The following ALDH3A2 variants were observed in gnomAD, a reference collection of about 807,000 sequenced individuals.
ALDH3A2 encodes aldehyde dehydrogenase family 3 member A2.
Under a neutral mutation model 51.3 loss-of-function variants are expected in ALDH3A2, and 36 were observed. That is an observed-to-expected ratio of 0.70 (90% CI 0.54 to 0.93). ALDH3A2 has a LOEUF of 0.93. Among genes scored for constraint, ALDH3A2 ranks in the 40% least tolerant of loss-of-function variants. The pLI, the probability that ALDH3A2 is intolerant of heterozygous loss-of-function variation, is 0.00. For synonymous variants in ALDH3A2, 199 were observed against 219.8 expected (o/e 0.91, Z 0.84); for missense variants, 552 against 603.1 (o/e 0.92, Z 0.89).
At position 19,665,147 on chromosome 17, in the gene ALDH3A2, C is replaced by G. The variant is rs1597566463; in HGVS notation, c.1207+100C>G. On this transcript the variant is annotated intron_variant, in intron 8 of 9. Transcript: ENST00000176643. ...GCTGAAATAGCCAGCTGTTGCGTACCCTGATTGTCCTCTCCTGAGGGAGAC... is the reference window on the plus strand; with the variant it reads ...GCTGAAATAGCCAGCTGTTGCGTACGCTGATTGTCCTCTCCTGAGGGAGAC... The G allele has an allele frequency of 1.6e-5, 17 of 1,055,382 alleles. No individual in the cohort carries two copies. The East Asian group carries it at 4.2e-4, about 26-fold the overall frequency. The allele number at this position is 1,055,382 out of a possible 1,614,324, so 65.4% of individuals were successfully genotyped here.
chr17:19,649,071 G>A lies in ALDH3A2; in HGVS notation c.100G>A (p.Val34Met), dbSNP rs770534475. 5.0e-5 allele frequency: 80 copies of A among 1,584,288 alleles called. No homozygotes were observed. Among genetic ancestry groups the A allele is most frequent in the Non-Finnish European group, 6.1e-5 (71 of 1,165,792 alleles). The change falls in exon 1 of 10, where the codon GTG (valine) becomes ATG (methionine). Residue 34 changes from valine to methionine, a missense_variant. Val to Met is a conservative substitution (Grantham distance 21). Coordinates refer to ENST00000176643, the MANE Select transcript of ALDH3A2 (RefSeq NM_000382.3). ...GCAGCTGGAGGCCCTGCGGAGGATG[G>A]TGCAGGAGCGCGAGAAGGATATCCT... ...LQQLEALRRMVQEREKDILTA... is the reference protein window; with the variant it reads ...LQQLEALRRMMQEREKDILTA...
chr17:19,665,149 T>G (rs1306494647), intron 8 of ALDH3A2, 102 bp downstream of exon 8: 1 of 1,053,260 alleles, frequency 9.5e-7, no homozygotes, highest in Admixed American at 1.9e-5. Flanking sequence ...TTGCGTACCC[T>G]GATTGTCCTC....
Position 19,649,141 on chromosome 17 carries a change from C to T in ALDH3A2, c.153+17C>T, listed in dbSNP as rs764055836. 2.5e-5 allele frequency: 39 copies of T among 1,551,790 alleles called. No individual in the cohort carries two copies. The South Asian group carries it at 4.5e-4, about 18-fold the overall frequency. On this transcript the variant is annotated intron_variant, in intron 1 of 9. Coordinates refer to ENST00000176643, the MANE Select transcript of ALDH3A2 (RefSeq NM_000382.3). ...CTGTGCAAGGTACGCACGCGTGCGG[C>T]GGGGTGTGGGGAAACTGGCCCCCGC...
At position 19,675,864 on chromosome 17, in the gene ALDH3A2, G is replaced by T. The variant is rs540671507; in HGVS notation, c.*292G>T. 202 of 442,758 alleles carry T rather than the reference G, an allele frequency of 4.6e-4. 2 individuals are homozygous for T. The highest frequency in any genetic ancestry group is 3.5e-3 in the South Asian group (157 of 45,448). 27.4% of individuals were successfully genotyped at this position (442,758 alleles called of 1,614,324 possible). Reference sequence around the variant, plus strand: ...TATTAGACTAAATACAAACTGCGGGGTTGTAAGGGAGTCTCAGAACCTCAC... The same window carrying T: ...TATTAGACTAAATACAAACTGCGGGTTTGTAAGGGAGTCTCAGAACCTCAC... On this transcript the variant is annotated 3_prime_UTR_variant, in exon 10 of 10. Transcript: ENST00000176643.
intron 2 of ALDH3A2, 103 bp downstream of exon 2, chr17:19,651,881 A>C (rs2084821125): frequency 9.0e-7 from 1 of 1,115,154 alleles, no homozygotes; most frequent in Middle Eastern, 2.4e-4. Context: ...TTACTTGGTG[A>C]TTTGCCTTTG....
chr17:19,656,444 A>G lies in ALDH3A2; in HGVS notation c.550A>G (p.Thr184Ala), dbSNP rs2152328249. The G allele has an allele frequency of 6.2e-7, 1 of 1,614,190 alleles. No homozygotes were observed. The highest frequency in any genetic ancestry group is 8.5e-7 in the Non-Finnish European group (1 of 1,180,038). Reference sequence around the variant, plus strand: ...GCAGCGATTTGACCACATTTTCTATACGGGAAACACTGCGGTTGGCAAAAT... The same window carrying G: ...GCAGCGATTTGACCACATTTTCTATGCGGGAAACACTGCGGTTGGCAAAAT... The part of the protein sequence containing the change: ...LKQRFDHIFY[T>A]GNTAVGKIVM... Residue 184 changes from threonine to alanine, a missense_variant, in exon 4 of 10, where the codon ACG becomes GCG. Transcript: ENST00000176643.
chr17:19,675,238 C>A, intron 9 of ALDH3A2: 1 of 301,540 alleles, frequency 3.3e-6, no homozygotes, highest in Non-Finnish European at 6.1e-6. Context: ...ACTGAAAATG[C>A]TAGGATAATA....
In ALDH3A2 at chr17:19,654,227, A is replaced by G. The variant is rs2084861584; in HGVS notation, c.471+1595A>G. Reference sequence around the variant, plus strand: ...TAAAAGTTCTCTAAGTCCCCACCCGACTCAGGAGCCCAGCTGGCTTTGCCT... The same window carrying G: ...TAAAAGTTCTCTAAGTCCCCACCCGGCTCAGGAGCCCAGCTGGCTTTGCCT... On this transcript the variant is annotated intron_variant, in intron 3 of 9. Transcript: ENST00000176643. The surrounding 1 kb of genome is among the most constrained non-coding windows in gnomAD (Gnocchi z 4.5). Among the ~76,000 whole-genome samples, 1 of 152,250 alleles carries G rather than the reference A, an allele frequency of 6.6e-6. No individual in the cohort carries two copies. Among genetic ancestry groups the G allele is most frequent in the East Asian group, 1.9e-4 (1 of 5,196 alleles).
In ALDH3A2 at chr17:19,648,921, C is replaced by T. The variant is rs757372139; in HGVS notation, c.-51C>T. 45 of 1,542,080 alleles carry T rather than the reference C, an allele frequency of 2.9e-5. No homozygotes were observed. In the East Asian group the frequency reaches 4.3e-4, roughly 15 times the overall value. ...AGGCCTGCACCTGCATGCTTCCCGC[C>T]TCCCACTCCCCAGCGCCCCCGGACC... On this transcript the variant is annotated 5_prime_UTR_variant, in exon 1 of 10. Coordinates refer to ENST00000176643, the MANE Select transcript of ALDH3A2 (RefSeq NM_000382.3).
intron 8 of ALDH3A2, among the ~76,000 whole-genome samples, chr17:19,669,133 C>CA: frequency 6.6e-6 from 1 of 150,912 alleles, no homozygotes; most frequent in South Asian, 2.1e-4. Flanking sequence ...CTCATCTCCA[C>CA]AAAAAATACA....
At chr17:19,653,482 C>T (rs935418483) in intron 3 of ALDH3A2, among the ~76,000 whole-genome samples, 2 of 152,138 alleles carry the variant, frequency 1.3e-5, no homozygotes, top group African/African-American at 2.4e-5. Flanking sequence ...GGAGTTTCTT[C>T]CTTCTGGTGG....
rs1346801480 is a variant in ALDH3A2, at chr17:19,654,090, T to C, written c.471+1458T>C. 6.6e-6 allele frequency among the ~76,000 whole-genome samples: 1 copy of C among 152,142 alleles called. No individual in the cohort carries two copies. The highest frequency in any genetic ancestry group is 2.4e-5 in the African/African-American group (1 of 41,426). The stretch of plus-strand genomic sequence containing the variant: ...CAATCCTCTAGCTAGACATAAAAGT[T>C]CTCCAAATCCCCACCAGATTAGCTA... On this transcript the variant is annotated intron_variant, in intron 3 of 9. Transcript: ENST00000176643. This position sits in a 1 kb window ranked among gnomAD's most constrained non-coding sequence, Gnocchi z 4.5.
chr17:19,661,958 G>T lies in ALDH3A2; in HGVS notation c.940+690G>T, dbSNP rs2084972331. The T allele has an allele frequency of 2.0e-5, 3 of 151,742 alleles. 1 individual carries two copies. The South Asian group carries it at 6.3e-4, about 32-fold the overall frequency. The allele number at this position is 151,742 out of a possible 1,614,324, so 9.4% of individuals were successfully genotyped here. ...TAATTAGCAGTCCCGAGGTTCTCCT[G>T]AGCTAGATAATTCAGTGGCCCCGTG... On this transcript the variant is annotated intron_variant, in intron 6 of 9. Transcript: ENST00000176643.
rs1278902703 is a variant in ALDH3A2 at position 19,661,148 on chromosome 17, A to G, written c.820A>G (p.Lys274Glu). The G allele has an allele frequency of 6.2e-7, 1 of 1,611,818 alleles. No individual in the cohort carries two copies. Among genetic ancestry groups the G allele is most frequent in the Non-Finnish European group, 8.5e-7 (1 of 1,177,896 alleles). ...ATAGGAATTTTATGGAGAAAATATA[A>G]AAGAGTCTCCTGATTATGAAAGGAT... ...TVKEFYGENI[K>E]ESPDYERIIN... Residue 274 changes from lysine to glutamate, a missense_variant, in exon 6 of 10, where the codon AAA becomes GAA. Lys to Glu is a moderately conservative substitution (Grantham distance 56, BLOSUM62 1). Coordinates refer to ENST00000176643, the MANE Select transcript of ALDH3A2 (RefSeq NM_000382.3).
chr17:19,672,028 C>G (rs555166319), intron 9 of ALDH3A2, 72 bp downstream of exon 9: 170 of 1,319,116 alleles, frequency 1.3e-4, no homozygotes, highest in Non-Finnish European at 1.7e-4. Context: ...CATATTCTAG[C>G]AGGACTCTAC....
intron 3 of ALDH3A2, chr17:19,656,093 T>G: frequency 2.2e-6 from 1 of 455,302 alleles, no homozygotes; most frequent in East Asian, 4.4e-5. Context: ...AATTCAACCA[T>G]TTGTTCTCCT....
In ALDH3A2 at chr17:19,661,253, G is replaced by A. The variant is rs1294388208; in HGVS notation, c.925G>A (p.Ala309Thr). ...AGCTTTTGGTGGGGAGACTGATGAG[G>A]CCACACGCTACATAGGTAATGGAAA... is the stretch of plus-strand genomic sequence containing the variant. ...KIAFGGETDE[A>T]TRYIAPTVLT... Residue 309 changes from alanine (A) to threonine (T), a missense_variant, in exon 6 of 10, where the codon GCC becomes ACC. By Grantham distance (58) the Ala-to-Thr change is moderately conservative. Coordinates refer to ENST00000176643, the MANE Select transcript of ALDH3A2 (RefSeq NM_000382.3). 4 of 1,614,002 alleles carry A rather than the reference G, an allele frequency of 2.5e-6. No individual in the cohort carries two copies. The East Asian group carries it at 6.7e-5, about 27-fold the overall frequency.
At chr17:19,666,764 G>A (rs1037933803) in intron 8 of ALDH3A2, among the ~76,000 whole-genome samples, 7 of 149,046 alleles carry the variant, frequency 4.7e-5, no homozygotes, top group East Asian at 2.0e-4. Context: ...CAAACAGAGC[G>A]AGACTCCGAT....
upstream of ALDH3A2, chr17:19,648,270 G>T (rs2084761516): frequency 6.6e-6 from 1 of 152,476 alleles, no homozygotes; most frequent in Non-Finnish European, 1.5e-5. Context: ...GGGACGGTCA[G>T]TGCCGGTCGA....
Sources: allele counts gnomAD v4.1 joint callset (sites outside exome capture counted in the v4.1 genomes callset), GRCh38; gene constraint gnomAD v4.1.1; non-coding constraint Gnocchi (gnomAD v3.1); transcripts MANE v1.5; gene names NCBI Gene and HGNC (gene_info 2026-07-23, HGNC 2026-07-21).